The following HNRNPC variants were observed in gnomAD, a reference collection of about 807,000 sequenced individuals.
The protein encoded by HNRNPC is heterogeneous nuclear ribonucleoprotein C.
In HNRNPC, 3 loss-of-function variants were observed where a neutral mutation model predicts 33.2. The ratio of observed to expected loss-of-function variants is 0.09; its 90% CI spans 0.04 to 0.23. The LOEUF (loss-of-function observed/expected upper bound fraction) is 0.23, where lower values mean the gene tolerates loss of function less well. HNRNPC is among the 10% of genes least tolerant of loss of function. The probability of loss-of-function intolerance (pLI) is 1.00; values close to 1 mark genes in which losing one functional copy is unlikely to be tolerated. For synonymous variants in HNRNPC, 121 were observed against 126.7 expected (o/e 0.96, Z 0.30); for missense variants, 143 against 366.7 (o/e 0.39, Z 4.98).
At chr14:21,267,457 A>G (rs1283413650) in intron 1 of HNRNPC, among the ~76,000 whole-genome samples, 2 of 152,314 alleles carry the variant, frequency 1.3e-5, no homozygotes, top group East Asian at 1.9e-4. Flanking sequence ...CAAATCCTCT[A>G]GAGATTTAAT....
At chr14:21,215,804 CAGA>C (rs758709285) in intron 5 of HNRNPC, among the ~76,000 whole-genome samples, 7 of 149,650 alleles carry the variant, frequency 4.7e-5, no homozygotes, top group Admixed American at 1.3e-4. Context: ...AGGGCTGAGG[CAGA>C]AGAATTGCTT....
intron 2 of HNRNPC, among the ~76,000 whole-genome samples, chr14:21,249,583 G>C (rs190334983): frequency 1.0e-5 from 1 of 97,780 alleles, no homozygotes; most frequent in East Asian, 2.9e-4. Context: ...CGAAAACTGT[G>C]TCTCAAAAAC....
At position 21,209,635 on chromosome 14, in the gene HNRNPC, A is replaced by G. The variant is rs537476768; in HGVS notation, c.*1588T>C. On this transcript the variant is annotated 3_prime_UTR_variant, in exon 9 of 9. Transcript: ENST00000553300. ...TTCTTTTCTGCTTTTGTCACCTGTT[A>G]CAGAAAATGATCTATAAAATCCTCA... The G allele has an allele frequency of 3.3e-5, 5 of 152,312 alleles. No individual in the cohort carries two copies. In the South Asian group the frequency reaches 1.0e-3, roughly 32 times the overall value. 9.4% of individuals were successfully genotyped at this position (152,312 alleles called of 1,614,324 possible).
intron 2 of HNRNPC, among the ~76,000 whole-genome samples, chr14:21,257,556 T>C (rs1275048044): frequency 1.3e-5 from 2 of 150,452 alleles, no homozygotes; most frequent in African/African-American, 4.9e-5. Flanking sequence ...GTTTTATAAG[T>C]CTTAGAAAAA....
At chr14:21,260,312 G>T (rs1194678430) in intron 2 of HNRNPC, among the ~76,000 whole-genome samples, 1 of 146,188 alleles carries the variant, frequency 6.8e-6, no homozygotes, top group Non-Finnish European at 1.5e-5. Flanking sequence ...GTTGTGGTGA[G>T]CCAAGATCAC....
rs183478003 is a variant in HNRNPC at position 21,244,226 on chromosome 14, T to G, written c.-36-9997A>C. 6.7e-3 allele frequency among the ~76,000 whole-genome samples: 1,025 copies of G among 152,282 alleles called. 9 individuals are homozygous for G. Among genetic ancestry groups the G allele is most frequent in the South Asian group, 0.018 (87 of 4,828 alleles). On this transcript the variant is annotated intron_variant, in intron 2 of 8. Coordinates refer to ENST00000553300, the MANE Select transcript of HNRNPC (RefSeq NM_004500.4). ...TTGACCATAGCTGGTCTCCAACTCC[T>G]GACCTCAGGTGATCCGCCGACCTCC...
intron 2 of HNRNPC, among the ~76,000 whole-genome samples, chr14:21,237,608 T>C (rs1372341655): frequency 6.6e-6 from 1 of 152,184 alleles, no homozygotes; most frequent in Non-Finnish European, 1.5e-5. Flanking sequence ...CATTTCTCTC[T>C]AGGTAGTATG....
At chr14:21,237,872 A>C (rs1894890436) in intron 2 of HNRNPC, among the ~76,000 whole-genome samples, 1 of 152,124 alleles carries the variant, frequency 6.6e-6, no homozygotes, top group Admixed American at 6.5e-5. Context: ...CCCTGTTCCA[A>C]GTGATTCTCC....
intron 5 of HNRNPC, among the ~76,000 whole-genome samples, chr14:21,215,180 C>T (rs1267501400): frequency 1.3e-5 from 2 of 152,168 alleles, no homozygotes; most frequent in Admixed American, 6.5e-5. Flanking sequence ...CCAGTTAAGG[C>T]TTTTAGTTAC....
chr14:21,240,841 G>A (rs1895255149), intron 2 of HNRNPC, among the ~76,000 whole-genome samples: 1 of 152,082 alleles, frequency 6.6e-6, no homozygotes. Context: ...CAATGGTCCA[G>A]GAGAAAAAAA....
intron 2 of HNRNPC, among the ~76,000 whole-genome samples, chr14:21,248,738 C>A (rs745744841): frequency 6.6e-6 from 1 of 152,228 alleles, no homozygotes; most frequent in Non-Finnish European, 1.5e-5. Context: ...ACAGTGTCTA[C>A]TGCAAGCAAT....
At chr14:21,223,765 C>CA (rs1293922789) in intron 5 of HNRNPC, among the ~76,000 whole-genome samples, 1 of 151,998 alleles carries the variant, frequency 6.6e-6, no homozygotes, top group Non-Finnish European at 1.5e-5. Context: ...AAAAAACAAA[C>CA]AAAAAAGACT....
chr14:21,267,299 C>G (rs1021070964), intron 1 of HNRNPC, among the ~76,000 whole-genome samples: 6 of 152,078 alleles, frequency 3.9e-5, no homozygotes, highest in African/African-American at 1.2e-4. Flanking sequence ...AACTTACTCC[C>G]CAGCCAACAC....
chr14:21,220,366 T>C (rs564872112), intron 5 of HNRNPC, among the ~76,000 whole-genome samples: 1 of 151,882 alleles, frequency 6.6e-6, no homozygotes, highest in East Asian at 1.9e-4. Context: ...AGCCTTGTAC[T>C]ACAGGCGCCC....
chr14:21,267,549 GA>G (rs35708196), intron 1 of HNRNPC, among the ~76,000 whole-genome samples: 24,165 of 151,830 alleles, frequency 0.16, 2,197 homozygotes, highest in Admixed American at 0.24. Context: ...GCATGAGGGG[GA>G]AAAAAAAGGT....
intron 2 of HNRNPC, among the ~76,000 whole-genome samples, chr14:21,259,249 T>G (rs141418254): frequency 1.3e-5 from 2 of 152,212 alleles, no homozygotes; most frequent in Non-Finnish European, 2.9e-5. Flanking sequence ...TAGCTAAGCT[T>G]CCCTGGCAGC....
chr14:21,238,548 T>C (rs764145696), intron 2 of HNRNPC, among the ~76,000 whole-genome samples: 15 of 152,160 alleles, frequency 9.9e-5, no homozygotes, highest in African/African-American at 3.6e-4. Flanking sequence ...GCCAAACAAA[T>C]ATTCCTTAAA....
intron 2 of HNRNPC, among the ~76,000 whole-genome samples, chr14:21,246,549 AGAGT>A (rs1006783726): frequency 1.3e-5 from 2 of 150,790 alleles, no homozygotes; most frequent in Admixed American, 1.3e-4. Context: ...CCTGGGAGAC[AGAGT>A]GAGACTCCGT....
rs561551222 is a variant in HNRNPC, at chr14:21,225,363, T to C, written c.365+4956A>G. 2.5e-3 allele frequency among the ~76,000 whole-genome samples: 375 copies of C among 148,848 alleles called. 4 individuals carry two copies. The highest frequency in any genetic ancestry group is 9.0e-3 in the African/African-American group (362 of 40,234). On this transcript the variant is annotated intron_variant, in intron 5 of 8. Transcript: ENST00000553300. ...ACAAGAATTACTTGAACCTGGGAGG[T>C]GGAGGTTGCAGTGAGCCGAGATCGA...
Sources: allele counts gnomAD v4.1 joint callset (sites outside exome capture counted in the v4.1 genomes callset), GRCh38; gene constraint gnomAD v4.1.1; transcripts MANE v1.5; gene names NCBI Gene and HGNC (gene_info 2026-07-23, HGNC 2026-07-21).